Variants in SLC27A6 observed in about 807,000 individuals in gnomAD.
SLC27A6 encodes the protein solute carrier family 27 member 6, also known as long-chain fatty acid transport protein 6.
A neutral mutation model predicts 63.9 loss-of-function variants in SLC27A6; 74 were observed. The ratio of observed to expected loss-of-function variants is 1.16; its 90% CI spans 0.96 to 1.40. SLC27A6 has a LOEUF of 1.40. SLC27A6 is among the 40% of genes most tolerant of loss of function. The pLI is 0.00. For missense variants in SLC27A6, 794 were observed against 732.9 expected, an observed-to-expected ratio of 1.08 and a Z score of -0.96; for synonymous variants, 287 against 260.8, an observed-to-expected ratio of 1.10 and a Z score of -0.97.
At position 128,968,489 on chromosome 5, in the gene SLC27A6, G is replaced by C. The variant is rs1283910635; in HGVS notation, c.481+1871G>C. Among the ~76,000 whole-genome samples the C allele has an allele frequency of 2.0e-5, 3 of 152,080 alleles. No homozygotes were observed. In the East Asian group the frequency reaches 5.8e-4, roughly 29 times the overall value. ...TGAGATGGTATCTCATTGTGGTTTT[G>C]ATTTGCATTTCTCTGATGGCCAGTG... On this transcript the variant is annotated intron_variant, in intron 1 of 9. Transcript: ENST00000262462.
At chr5:129,031,995 A>G (rs1477692842) in intron 9 of SLC27A6, among the ~76,000 whole-genome samples, 1 of 151,906 alleles carries the variant, frequency 6.6e-6, no homozygotes, top group African/African-American at 2.4e-5. Flanking sequence ...TGGCCAAGCT[A>G]CTCATAGAAT....
At chr5:128,996,218 A>G (rs745341114) in intron 4 of SLC27A6, among the ~76,000 whole-genome samples, 29 of 152,144 alleles carry the variant, frequency 1.9e-4, no homozygotes, top group Admixed American at 6.5e-4. Flanking sequence ...CATTTAGGCT[A>G]TATAATTTGT....
rs1750750396 is a variant in SLC27A6 at position 128,985,293 on chromosome 5, C to T, written c.642C>T (p.Leu214=). 8 of 1,614,086 alleles carry T rather than the reference C, an allele frequency of 5.0e-6. No homozygotes were observed. Among genetic ancestry groups the T allele is most frequent in the Non-Finnish European group, 6.8e-6 (8 of 1,180,000 alleles). The change falls in exon 2 of 10, where the codon CTC becomes CTT. Residue 214 remains leucine, a synonymous_variant. Coordinates refer to ENST00000262462, the MANE Select transcript of SLC27A6 (RefSeq NM_001017372.3). ...CACGCAGCCACCATGTTGTCTCACT[C>T]CTCAAGTCTACTTGTCTTTACATTT... ...PVPRSHHVVS[L]LKSTCLYIFT...
intron 5 of SLC27A6, among the ~76,000 whole-genome samples, chr5:129,022,932 G>A (rs1463396879): frequency 6.6e-6 from 1 of 151,846 alleles, no homozygotes; most frequent in African/African-American, 2.4e-5. Flanking sequence ...TGATAATATG[G>A]ACATGATAGG....
At chr5:129,029,034 G>T (rs983935524) in intron 8 of SLC27A6, among the ~76,000 whole-genome samples, 1 of 151,852 alleles carries the variant, frequency 6.6e-6, no homozygotes, top group Non-Finnish European at 1.5e-5. Flanking sequence ...GAGAGCAGAA[G>T]AAGGGAATGA....
At position 128,980,784 on chromosome 5, in the gene SLC27A6, C is replaced by T. The variant is rs1580707388; in HGVS notation, c.482-4349C>T. On this transcript the variant is annotated intron_variant, in intron 1 of 9. Transcript: ENST00000262462. ...TGCATAAAATTTAAAAGTTGAAATG[C>T]TTACCAATGTATTAACAACCATAAT... Among the ~76,000 whole-genome samples, 4 of 152,282 alleles carry T rather than the reference C, an allele frequency of 2.6e-5. No homozygotes were observed. In the South Asian group the frequency reaches 8.3e-4, roughly 32 times the overall value.
chr5:129,005,376 T>C (rs1198331258), intron 4 of SLC27A6, among the ~76,000 whole-genome samples: 1 of 152,182 alleles, frequency 6.6e-6, no homozygotes, highest in Admixed American at 6.5e-5. Context: ...GTAGCACCAA[T>C]GTATTGTCCA....
In SLC27A6 at chr5:129,027,235, T is replaced by C. The variant is rs1752274271; in HGVS notation, c.1358T>C (p.Phe453Ser). Residue 453 changes from phenylalanine (F) to serine (S), a missense_variant, in exon 7 of 10, where the codon TTT becomes TCT. Transcript: ENST00000262462. ...AAAGACAAATTGCTTTGTGATGTTT[T>C]TAAGAAGGGAGATGTTTACCTTAAT... ...HTKDKLLCDV[F>S]KKGDVYLNTG... 1 of 1,613,276 alleles carries C rather than the reference T, an allele frequency of 6.2e-7. No homozygotes were observed. Among genetic ancestry groups the C allele is most frequent in the African/African-American group, 1.3e-5 (1 of 74,858 alleles).
At chr5:128,993,398 G>C (rs1216840336) in intron 4 of SLC27A6, among the ~76,000 whole-genome samples, 1 of 152,028 alleles carries the variant, frequency 6.6e-6, no homozygotes, top group African/African-American at 2.4e-5. Flanking sequence ...ATGCCTCAGT[G>C]GTTTTTAATT....
At chr5:129,016,572 A>C (rs1046024386) in intron 5 of SLC27A6, among the ~76,000 whole-genome samples, 1 of 151,354 alleles carries the variant, frequency 6.6e-6, no homozygotes, top group Non-Finnish European at 1.5e-5. Flanking sequence ...TGTGAACCTC[A>C]GTTATCTTCT....
At chr5:129,006,071 G>GTCTTTTTTTTTTTTTTTT (rs1751513835) in intron 4 of SLC27A6, among the ~76,000 whole-genome samples, 1 of 60,148 alleles carries the variant, frequency 1.7e-5, no homozygotes, top group Non-Finnish European at 2.7e-5. Flanking sequence ...TGTGCACACT[G>GTCTTTTTTTTTTTTTTTT]TTTTTTTTTT....
At chr5:129,027,043 G>T (rs1752266153) in intron 6 of SLC27A6, 90 bp from the exon 7 acceptor site, 3 of 1,063,172 alleles carry the variant, frequency 2.8e-6, no homozygotes, top group Non-Finnish European at 4.3e-6. Flanking sequence ...AGCATTGGTT[G>T]TGCTGGCCAG....
At chr5:129,024,734 G>A (rs192378694) in intron 6 of SLC27A6, among the ~76,000 whole-genome samples, 2 of 152,246 alleles carry the variant, frequency 1.3e-5, no homozygotes, top group Non-Finnish European at 2.9e-5. Context: ...GATCCAGTAT[G>A]GATAAATCAA....
At chr5:128,973,671 C>T (rs1403517144) in intron 1 of SLC27A6, among the ~76,000 whole-genome samples, 1 of 152,154 alleles carries the variant, frequency 6.6e-6, no homozygotes, top group Non-Finnish European at 1.5e-5. Context: ...TTCCAGGTAC[C>T]GTCTGTCACA....
At chr5:128,966,882 T>C (rs1749924745) in intron 1 of SLC27A6, among the ~76,000 whole-genome samples, 1 of 152,198 alleles carries the variant, frequency 6.6e-6, no homozygotes, top group South Asian at 2.1e-4. Context: ...GTTCCTTCAG[T>C]GAGTGCAAGA....
intron 1 of SLC27A6, among the ~76,000 whole-genome samples, chr5:128,976,042 GA>G (rs910728537): frequency 2.0e-4 from 28 of 143,412 alleles, no homozygotes; most frequent in Middle Eastern, 3.5e-3. Context: ...GAATGAAAAA[GA>G]AAAAAAAAAC....
intron 4 of SLC27A6, among the ~76,000 whole-genome samples, chr5:129,006,926 A>G (rs948627763): frequency 6.6e-6 from 1 of 152,012 alleles, no homozygotes; most frequent in African/African-American, 2.4e-5. Flanking sequence ...AGTTGAATAG[A>G]TTTAAAATTA....
chr5:128,990,310 C>A, intron 3 of SLC27A6, 30 bp from the exon 4 acceptor site: 1 of 1,601,974 alleles, frequency 6.2e-7, no homozygotes, highest in South Asian at 1.1e-5. Flanking sequence ...AATTTTTTTC[C>A]CTAGTGCCTG....
At chr5:128,985,648 T>C (rs908267955) in intron 2 of SLC27A6, among the ~76,000 whole-genome samples, 7 of 152,228 alleles carry the variant, frequency 4.6e-5, no homozygotes, top group African/African-American at 1.7e-4. Context: ...GTATGATACT[T>C]GATACTTGAT....
Sources: allele counts gnomAD v4.1 joint callset (sites outside exome capture counted in the v4.1 genomes callset), GRCh38; gene constraint gnomAD v4.1.1; transcripts MANE v1.5; gene names NCBI Gene and HGNC (gene_info 2026-07-23, HGNC 2026-07-21).